CDH12: variants seen among roughly 807,000 people sequenced by gnomAD.
The protein encoded by CDH12 is cadherin 12.
A neutral mutation model predicts 74.1 loss-of-function variants in CDH12; 41 were observed. The ratio of observed to expected loss-of-function variants is 0.55; its 90% CI spans 0.43 to 0.72. The LOEUF is 0.72. Among genes scored for constraint, CDH12 ranks in the 30% least tolerant of loss-of-function variants. CDH12 has a pLI of 0.00. For missense variants in CDH12, 945 were observed against 977.2 expected (o/e 0.97, Z 0.44); for synonymous variants, 399 against 355.0 (o/e 1.12, Z -1.39).
intron 13 of CDH12, 120 bp downstream of exon 13, chr5:21,760,438 C>T: frequency 1.5e-6 from 1 of 663,838 alleles, no homozygotes; most frequent in Non-Finnish European, 2.7e-6. Context: ...TTGCCTTTCT[C>T]ATGTAAGGAT....
intron 1 of CDH12, among the ~76,000 whole-genome samples, chr5:22,705,635 A>C (rs1742968249): frequency 6.6e-6 from 1 of 151,998 alleles, no homozygotes; most frequent in Non-Finnish European, 1.5e-5. Context: ...GGAAAAAATA[A>C]AGAGCACTCC....
intron 1 of CDH12, among the ~76,000 whole-genome samples, chr5:22,830,489 C>T (rs960846394): frequency 6.6e-6 from 1 of 151,736 alleles, no homozygotes; most frequent in African/African-American, 2.4e-5. Flanking sequence ...CCCTAATGAT[C>T]TGTTATAATT....
At chr5:22,426,189 A>G (rs902138290) in intron 2 of CDH12, among the ~76,000 whole-genome samples, 1 of 78,644 alleles carries the variant, frequency 1.3e-5, no homozygotes, top group Non-Finnish European at 2.6e-5. Flanking sequence ...CCATCTCAAA[A>G]AAAAGAAAAA....
chr5:22,282,692 T>C (rs926731274), intron 3 of CDH12, among the ~76,000 whole-genome samples: 10 of 152,102 alleles, frequency 6.6e-5, no homozygotes, highest in Non-Finnish European at 1.3e-4. Context: ...CACAATGAGA[T>C]ACAGTCTCAC....
chr5:22,790,851 G>A (rs1747872119), intron 1 of CDH12, among the ~76,000 whole-genome samples: 1 of 152,100 alleles, frequency 6.6e-6, no homozygotes, highest in Non-Finnish European at 1.5e-5. Flanking sequence ...ATAGACTCAT[G>A]GCATCGTGGT....
At chr5:22,216,830 C>G (rs1252528219) in intron 3 of CDH12, among the ~76,000 whole-genome samples, 1 of 151,778 alleles carries the variant, frequency 6.6e-6, no homozygotes, top group African/African-American at 2.4e-5. Context: ...AGTCAAAATT[C>G]TAGCAGTGAG....
At chr5:21,953,912 A>C (rs1383798942) in intron 6 of CDH12, among the ~76,000 whole-genome samples, 1 of 152,160 alleles carries the variant, frequency 6.6e-6, no homozygotes, top group African/African-American at 2.4e-5. Flanking sequence ...AAGTTACCAG[A>C]TGTCTCTCAG....
At chr5:22,175,512 T>C (rs1367343349) in intron 4 of CDH12, among the ~76,000 whole-genome samples, 3 of 152,122 alleles carry the variant, frequency 2.0e-5, no homozygotes, top group Admixed American at 6.6e-5. Context: ...TCTTTGCCTA[T>C]TTCCCAGGCT....
At chr5:21,809,933 T>C (rs1331969369) in intron 9 of CDH12, among the ~76,000 whole-genome samples, 1 of 152,000 alleles carries the variant, frequency 6.6e-6, no homozygotes, top group African/African-American at 2.4e-5. Flanking sequence ...CCTGAGGGAC[T>C]CTAGGAGGCC....
intron 1 of CDH12, among the ~76,000 whole-genome samples, chr5:22,808,693 C>T (rs1748948864): frequency 7.2e-6 from 1 of 139,572 alleles, no homozygotes; most frequent in African/African-American, 2.7e-5. Context: ...GCAACTTCTG[C>T]TCCCGGGTTC....
intron 3 of CDH12, among the ~76,000 whole-genome samples, chr5:22,274,704 A>G (rs565763061): frequency 6.6e-6 from 1 of 152,276 alleles, no homozygotes; most frequent in South Asian, 2.1e-4. Context: ...ATGATGAACT[A>G]TAAACCCAGT....
At chr5:22,551,788 T>C (rs1738581618) in intron 1 of CDH12, among the ~76,000 whole-genome samples, 1 of 149,856 alleles carries the variant, frequency 6.7e-6, no homozygotes, top group South Asian at 2.1e-4. Context: ...GCAAAAGAGA[T>C]CAATAGATAA....
intron 3 of CDH12, among the ~76,000 whole-genome samples, chr5:22,331,833 C>T (rs1043888957): frequency 1.3e-5 from 2 of 151,848 alleles, no homozygotes; most frequent in Non-Finnish European, 2.9e-5. Context: ...AAAAAAAAAT[C>T]AAACAGAAAT....
intron 1 of CDH12, among the ~76,000 whole-genome samples, chr5:22,838,047 C>T (rs1235103040): frequency 6.6e-6 from 1 of 152,084 alleles, no homozygotes; most frequent in Non-Finnish European, 1.5e-5. Flanking sequence ...CATTATTCTC[C>T]AAGGTCATTG....
chr5:22,660,642 T>C (rs547018764), intron 1 of CDH12, among the ~76,000 whole-genome samples: 78 of 152,296 alleles, frequency 5.1e-4, no homozygotes, highest in African/African-American at 1.8e-3. Flanking sequence ...GGTCTTGAAG[T>C]TCTGGGCTCA....
At chr5:22,836,019 T>A (rs1736800464) in intron 1 of CDH12, among the ~76,000 whole-genome samples, 1 of 152,112 alleles carries the variant, frequency 6.6e-6, no homozygotes, top group South Asian at 2.1e-4. Flanking sequence ...ATTGTTCAAC[T>A]GTAGCAATGT....
chr5:22,330,079 T>A (rs1290813777), intron 3 of CDH12, among the ~76,000 whole-genome samples: 1 of 152,238 alleles, frequency 6.6e-6, no homozygotes, highest in East Asian at 1.9e-4. Context: ...TCAGCTTGCA[T>A]CAAAGAGACT....
At chr5:22,610,427 C>G (rs1007195849) in intron 1 of CDH12, among the ~76,000 whole-genome samples, 1 of 152,018 alleles carries the variant, frequency 6.6e-6, no homozygotes, top group African/African-American at 2.4e-5. Flanking sequence ...AAAAATAAAA[C>G]CGATCTAGTA....
chr5:22,086,132 G>T (rs1283450233), intron 4 of CDH12, among the ~76,000 whole-genome samples: 1 of 152,148 alleles, frequency 6.6e-6, no homozygotes, highest in African/African-American at 2.4e-5. Context: ...TAGACTGCCT[G>T]CTGAGAAGCA....
Sources: gnomAD v4.1 joint callset for allele counts (sites outside exome capture counted in the v4.1 genomes callset) on GRCh38, gnomAD v4.1.1 for gene constraint, MANE v1.5 for transcripts, NCBI Gene and HGNC (gene_info 2026-07-23, HGNC 2026-07-21) for gene names.